The following IGFL2 variants were observed in gnomAD, a reference collection of about 807,000 sequenced individuals.
IGFL2 encodes insulin growth factor-like family member 2.
In IGFL2, 7 loss-of-function variants were observed where a neutral mutation model predicts 13.9. The ratio of observed to expected loss-of-function variants is 0.51; its 90% CI spans 0.29 to 0.95. The LOEUF (loss-of-function observed/expected upper bound fraction) is 0.95, where lower values mean the gene tolerates loss of function less well. IGFL2 is among the 40% of genes least tolerant of loss of function. The probability of loss-of-function intolerance (pLI) is 0.08; values close to 1 mark genes in which losing one functional copy is unlikely to be tolerated. For missense variants in IGFL2, 138 were observed against 147.8 expected, an observed-to-expected ratio of 0.93 and a Z score of 0.34; for synonymous variants, 55 against 55.8, an observed-to-expected ratio of 0.99 and a Z score of 0.07.
At chr19:46,148,040 A>G, upstream of IGFL2, 1 of 479,386 alleles carries the variant, frequency 2.1e-6, no homozygotes. Flanking sequence ...TTACTCTGAG[A>G]TTTCGAGAGG....
the IGFL2 span, chr19:46,136,831 G>A: frequency 4.3e-6 from 3 of 703,816 alleles, no homozygotes; most frequent in South Asian, 4.1e-5. Context: ...CTAAAGTCCT[G>A]GTTGAGATCC....
At chr19:46,088,500 A>G in the IGFL2 span, among the ~76,000 whole-genome samples, 106 of 152,344 alleles carry the variant, frequency 7.0e-4, no homozygotes, top group African/African-American at 2.5e-3. Context: ...TGTTCATTAT[A>G]TTGTTGAATG....
At chr19:46,110,515 C>T in the IGFL2 span, among the ~76,000 whole-genome samples, 2 of 152,286 alleles carry the variant, frequency 1.3e-5, no homozygotes, top group African/African-American at 2.4e-5. Flanking sequence ...TCAGTGGCAG[C>T]AATTTTTCCA....
At chr19:46,160,349 T>A in intron 1 of IGFL2, 66 bp from the exon 2 acceptor site, 1 of 1,459,300 alleles carries the variant, frequency 6.9e-7, no homozygotes, top group African/African-American at 1.4e-5. Flanking sequence ...TGGCCTGCCC[T>A]CCCTGAGATC....
the IGFL2 span, among the ~76,000 whole-genome samples, chr19:46,117,828 A>T: frequency 1.3e-5 from 2 of 152,146 alleles, no homozygotes; most frequent in Non-Finnish European, 2.9e-5. Context: ...TACAGGCCCC[A>T]GAATGGAGAT....
At chr19:46,102,056 C>T in the IGFL2 span, among the ~76,000 whole-genome samples, 4 of 152,212 alleles carry the variant, frequency 2.6e-5, no homozygotes, top group African/African-American at 9.7e-5. Context: ...AAGGAATGTG[C>T]TCTGGAGACT....
chr19:46,104,291 C>T, the IGFL2 span, among the ~76,000 whole-genome samples: 42 of 152,276 alleles, frequency 2.8e-4, no homozygotes, highest in Admixed American at 2.5e-3. Flanking sequence ...GGTAAAAGTA[C>T]TGTCCAGTCC....
chr19:46,204,316 G>C, the IGFL2 span: 1 of 126,050 alleles, frequency 7.9e-6, no homozygotes, highest in Non-Finnish European at 1.9e-5. Context: ...AGCTGGGCCT[G>C]GGACTGGGGG....
rs1041003249 is a variant in IGFL2 at position 46,148,442 on chromosome 19, A to G, written c.19+145A>G. 7.0e-5 allele frequency: 53 copies of G among 757,754 alleles called. 1 individual carries two copies. The highest frequency in any genetic ancestry group is 1.7e-4 in the Admixed American group (8 of 46,898). The allele number at this position is 757,754 out of a possible 1,614,324, so 46.9% of individuals were successfully genotyped here. A position where few individuals can be genotyped will look rare whatever the true frequency, so the allele number is the denominator to read the frequency against. Reference sequence around the variant, plus strand: ...CCGTGTCCTCTCTGACTGCATTGCAATCTCTCTTCCCCACCTGCAAATTCC... The same window carrying G: ...CCGTGTCCTCTCTGACTGCATTGCAGTCTCTCTTCCCCACCTGCAAATTCC... On this transcript the variant is annotated intron_variant, in intron 1 of 3. Transcript: ENST00000377693.
At chr19:46,140,485 G>C (rs972127099), upstream of IGFL2, among the ~76,000 whole-genome samples, 3 of 152,110 alleles carry the variant, frequency 2.0e-5, no homozygotes, top group African/African-American at 7.2e-5. Flanking sequence ...CAAGTCTAAC[G>C]TAGGCAACAT....
chr19:46,201,249 C>A, the IGFL2 span, among the ~76,000 whole-genome samples: 1 of 152,242 alleles, frequency 6.6e-6, no homozygotes, highest in African/African-American at 2.4e-5. Flanking sequence ...AACCATAAAT[C>A]TGGTCACTTC....
At chr19:46,192,628 C>T in the IGFL2 span, among the ~76,000 whole-genome samples, 2 of 151,980 alleles carry the variant, frequency 1.3e-5, no homozygotes, top group Non-Finnish European at 2.9e-5. Context: ...ACCATGTTGA[C>T]CAGGCTAGTC....
At chr19:46,153,836 TA>T (rs201071849) in intron 1 of IGFL2, among the ~76,000 whole-genome samples, 3,373 of 142,090 alleles carry the variant, frequency 0.024, 113 homozygotes, top group African/African-American at 0.076. Flanking sequence ...TATATATATA[TA>T]TATTTTTTTT....
chr19:46,112,287 AACC>A, the IGFL2 span, among the ~76,000 whole-genome samples: 609 of 152,298 alleles, frequency 4.0e-3, 6 homozygotes, highest in African/African-American at 0.014. Context: ...TTATGACAAA[AACC>A]ACCACCACCA....
the IGFL2 span, chr19:46,196,902 T>G: frequency 6.5e-4 from 100 of 154,922 alleles, no homozygotes; most frequent in Admixed American, 9.8e-4. Flanking sequence ...TCTGATCATG[T>G]GGAGCCCCCA....
At chr19:46,139,967 G>T (rs563271851), upstream of IGFL2, among the ~76,000 whole-genome samples, 2 of 151,776 alleles carry the variant, frequency 1.3e-5, no homozygotes, top group Non-Finnish European at 2.9e-5. Flanking sequence ...TATATATTTT[G>T]AGACGGAGTT....
At chr19:46,183,263 C>A in the IGFL2 span, among the ~76,000 whole-genome samples, 1 of 152,178 alleles carries the variant, frequency 6.6e-6, no homozygotes, top group African/African-American at 2.4e-5. Flanking sequence ...CCCCATCATC[C>A]AATCACCTCC....
At chr19:46,106,628 A>G in the IGFL2 span, among the ~76,000 whole-genome samples, 6 of 152,172 alleles carry the variant, frequency 3.9e-5, no homozygotes, top group Admixed American at 2.0e-4. Flanking sequence ...AGGCAAGACA[A>G]TTTGGTTGAT....
At chr19:46,133,064 G>A in the IGFL2 span, among the ~76,000 whole-genome samples, 2 of 152,146 alleles carry the variant, frequency 1.3e-5, no homozygotes, top group Non-Finnish European at 2.9e-5. Context: ...AGGGCTGGCA[G>A]GCTGGAGAAA....
Sources: gnomAD v4.1 joint callset for allele counts (sites outside exome capture counted in the v4.1 genomes callset) on GRCh38, gnomAD v4.1.1 for gene constraint, MANE v1.5 for transcripts, NCBI Gene and HGNC (gene_info 2026-07-23, HGNC 2026-07-21) for gene names.